Variants in SLC2A9 observed in about 807,000 individuals in gnomAD.
SLC2A9 encodes the protein solute carrier family 2 member 9, also known as solute carrier family 2, facilitated glucose transporter member 9.
Under a neutral mutation model 50.6 loss-of-function variants are expected in SLC2A9, and 39 were observed. The ratio of observed to expected loss-of-function variants is 0.77; its 90% CI spans 0.60 to 1.01. The LOEUF (loss-of-function observed/expected upper bound fraction) is 1.01. SLC2A9 is among the 50% of genes least tolerant of loss of function. SLC2A9 has a pLI of 0.00. For missense variants in SLC2A9, 686 were observed against 677.6 expected, an observed-to-expected ratio of 1.01 and a Z score of -0.14; for synonymous variants, 324 against 276.9, an observed-to-expected ratio of 1.17 and a Z score of -1.69.
At chr4:10,021,688 T>C (rs901195933), upstream of SLC2A9, among the ~76,000 whole-genome samples, 6 of 152,140 alleles carry the variant, frequency 3.9e-5, no homozygotes, top group African/African-American at 1.4e-4. Flanking sequence ...TTTTTTTTTT[T>C]TTCTTAGCAT....
intron 6 of SLC2A9, among the ~76,000 whole-genome samples, chr4:9,929,900 T>C (rs968343195): frequency 1.3e-5 from 2 of 152,120 alleles, no homozygotes; most frequent in African/African-American, 4.8e-5. Context: ...TGAAAGCCTC[T>C]TCCTGGCTGC....
At chr4:9,814,557 AATTG>A (rs1016746692) in intron 3 of SLC2A9, among the ~76,000 whole-genome samples, 2 of 152,152 alleles carry the variant, frequency 1.3e-5, no homozygotes, top group Non-Finnish European at 2.9e-5. Context: ...TGGTTCTGTG[AATTG>A]ATTGTGTTCT....
chr4:9,916,381 C>T (rs546516787), intron 7 of SLC2A9, among the ~76,000 whole-genome samples: 16 of 152,350 alleles, frequency 1.1e-4, no homozygotes, highest in African/African-American at 3.6e-4. Flanking sequence ...ATCCTCTTTG[C>T]TCTTCTTTTA....
chr4:9,952,011 CAAGA>C (rs1428663549), intron 5 of SLC2A9, among the ~76,000 whole-genome samples: 1 of 152,168 alleles, frequency 6.6e-6, no homozygotes, highest in Admixed American at 6.5e-5. Context: ...CCACAGAAGC[CAAGA>C]AAGAGAGTGC....
chr4:9,850,102 A>G (rs1055585507), intron 10 of SLC2A9, among the ~76,000 whole-genome samples: 1 of 151,760 alleles, frequency 6.6e-6, no homozygotes, highest in Admixed American at 6.6e-5. Flanking sequence ...TGAAGCAGGG[A>G]AGTCTGGGAA....
chr4:9,863,432 C>T (rs1731969162), intron 10 of SLC2A9, among the ~76,000 whole-genome samples: 1 of 151,934 alleles, frequency 6.6e-6, no homozygotes, highest in Admixed American at 6.6e-5. Flanking sequence ...CTGTGCCCAG[C>T]TAAAATCTTT....
At chr4:9,837,820 C>T (rs955988646) in intron 10 of SLC2A9, among the ~76,000 whole-genome samples, 2 of 152,178 alleles carry the variant, frequency 1.3e-5, no homozygotes, top group Non-Finnish European at 2.9e-5. Context: ...CTGCACAGCT[C>T]CACTGTACAC....
Position 9,936,098 on chromosome 4 carries a change from T to C in SLC2A9, c.814+5815A>G, listed in dbSNP as rs569228721. ...AGCCCTTCTGCCAAAATACCATTGCTATGGGTGGAATGTTTGTGCCCCCCA... is the reference window on the plus strand; with the variant it reads ...AGCCCTTCTGCCAAAATACCATTGCCATGGGTGGAATGTTTGTGCCCCCCA... On this transcript the variant is annotated intron_variant, in intron 6 of 11. Coordinates refer to ENST00000264784, the MANE Select transcript of SLC2A9 (RefSeq NM_020041.3). Among the ~76,000 whole-genome samples, 4 of 152,268 alleles carry C rather than the reference T, an allele frequency of 2.6e-5. No homozygotes were observed. In the South Asian group the frequency reaches 8.3e-4, roughly 32 times the overall value.
At chr4:10,006,441 C>T (rs1343559724) in intron 2 of SLC2A9, 4 of 152,190 alleles carry the variant, frequency 2.6e-5, no homozygotes, top group African/African-American at 9.7e-5. Flanking sequence ...TGCCACAATG[C>T]CTTAGGGCTT....
chr4:9,891,882 G>A (rs7688167), intron 8 of SLC2A9, among the ~76,000 whole-genome samples: 68,140 of 152,056 alleles, frequency 0.45, 17,766 homozygotes, highest in African/African-American at 0.72. Context: ...AAGCAGTGAC[G>A]CTGCTGAGGG....
At chr4:9,983,162 C>G (rs10033424) in intron 4 of SLC2A9, among the ~76,000 whole-genome samples, 2,107 of 152,300 alleles carry the variant, frequency 0.014, 39 homozygotes, top group Middle Eastern at 0.048. Flanking sequence ...GCCACCGTGC[C>G]CGGCCCATTT....
intron 3 of SLC2A9, among the ~76,000 whole-genome samples, chr4:9,803,275 G>T (rs1030400259): frequency 1.3e-5 from 2 of 152,212 alleles, no homozygotes; most frequent in African/African-American, 4.8e-5. Flanking sequence ...TGAGCTTGAG[G>T]TTGTTACTGT....
At chr4:9,908,188 G>T (rs766506983) in intron 8 of SLC2A9, 47 bp downstream of exon 8, 2 of 1,278,644 alleles carry the variant, frequency 1.6e-6, no homozygotes, top group African/African-American at 1.5e-5. Context: ...CCACTGTGCT[G>T]TGTAACCCCC....
At chr4:9,782,173 C>A in intron 3 of SLC2A9, 3 of 1,599,402 alleles carry the variant, frequency 1.9e-6, no homozygotes, top group Admixed American at 1.7e-5. Context: ...GCCTGCTGAC[C>A]CTACTCATCA....
chr4:9,948,023 T>C (rs532753029), intron 5 of SLC2A9, among the ~76,000 whole-genome samples: 27 of 152,184 alleles, frequency 1.8e-4, no homozygotes, highest in African/African-American at 4.6e-4. Context: ...ACAGGATTCA[T>C]ACAAATTCTG....
intron 3 of SLC2A9, among the ~76,000 whole-genome samples, chr4:9,807,464 T>C (rs901943823): frequency 6.6e-6 from 1 of 152,246 alleles, no homozygotes; most frequent in African/African-American, 2.4e-5. Flanking sequence ...CCATGGTTTA[T>C]GTTGAGACTT....
chr4:10,031,957 G>A (rs1450605509), intron 1 of SLC2A9, among the ~76,000 whole-genome samples: 2 of 152,220 alleles, frequency 1.3e-5, no homozygotes, highest in Admixed American at 6.5e-5. Context: ...GGCAAAACAG[G>A]GCGCTGGAAA....
chr4:9,900,305 T>C (rs180890841), intron 8 of SLC2A9, among the ~76,000 whole-genome samples: 164 of 152,148 alleles, frequency 1.1e-3, no homozygotes, highest in Admixed American at 2.8e-3. Context: ...AGCCAAAGGA[T>C]GTTATCAGAG....
chr4:9,984,883 C>T (rs982529090), intron 4 of SLC2A9, among the ~76,000 whole-genome samples: 1 of 152,196 alleles, frequency 6.6e-6, no homozygotes, highest in Non-Finnish European at 1.5e-5. Context: ...GCACACAGTC[C>T]TCGCCGTGGC....
Sources: allele counts gnomAD v4.1 joint callset (sites outside exome capture counted in the v4.1 genomes callset), GRCh38; gene constraint gnomAD v4.1.1; transcripts MANE v1.5; gene names NCBI Gene and HGNC (gene_info 2026-07-23, HGNC 2026-07-21).